Variants in CRYL1 observed in about 807,000 individuals in gnomAD.
CRYL1 encodes the protein lambda-crystallin homolog.
Under a neutral mutation model 36.6 loss-of-function variants are expected in CRYL1, and 29 were observed. The ratio of observed to expected loss-of-function variants is 0.79; its 90% CI spans 0.59 to 1.08. The LOEUF (loss-of-function observed/expected upper bound fraction) is 1.08. Ranked by LOEUF, CRYL1 falls within the 50% of genes least tolerant of loss-of-function variation. The probability of loss-of-function intolerance (pLI) is 0.00; values close to 1 mark genes in which losing one functional copy is unlikely to be tolerated. For missense variants in CRYL1, 411 were observed against 407.9 expected (o/e 1.01, Z -0.06); for synonymous variants, 152 against 151.5 (o/e 1.00, Z -0.02).
chr13:20,445,700 A>G (rs2032437934), intron 3 of CRYL1, among the ~76,000 whole-genome samples: 1 of 152,256 alleles, frequency 6.6e-6, no homozygotes, highest in Non-Finnish European at 1.5e-5. Flanking sequence ...ATCAGACATA[A>G]ATTGTGAAAT....
intron 2 of CRYL1, among the ~76,000 whole-genome samples, chr13:20,497,131 G>A (rs911727952): frequency 6.6e-6 from 1 of 152,006 alleles, no homozygotes; most frequent in Non-Finnish European, 1.5e-5. Flanking sequence ...TACTGAAAGC[G>A]GTGCCACTAC....
chr13:20,486,670 G>A (rs1417827333), intron 3 of CRYL1, among the ~76,000 whole-genome samples: 1 of 152,006 alleles, frequency 6.6e-6, no homozygotes, highest in Non-Finnish European at 1.5e-5. Context: ...CTCCTCATCC[G>A]GCTTGGCTCT....
chr13:20,466,680 C>CTGTGTGTGTG (rs1289115828), intron 3 of CRYL1, among the ~76,000 whole-genome samples: 7 of 30,470 alleles, frequency 2.3e-4, no homozygotes, highest in African/African-American at 8.2e-4. Flanking sequence ...CTTTGGAAAA[C>CTGTGTGTGTG]TCTGTGTGTG....
At chr13:20,438,408 C>T (rs1241069215) in intron 4 of CRYL1, among the ~76,000 whole-genome samples, 1 of 152,112 alleles carries the variant, frequency 6.6e-6, no homozygotes, top group Non-Finnish European at 1.5e-5. Flanking sequence ...CTTCATGTTA[C>T]CCTCCCCAAG....
chr13:20,457,672 A>G (rs1045721585), intron 3 of CRYL1, among the ~76,000 whole-genome samples: 1 of 152,192 alleles, frequency 6.6e-6, no homozygotes, highest in Non-Finnish European at 1.5e-5. Flanking sequence ...CACTTACTAA[A>G]CATATAAACC....
At chr13:20,427,853 C>A (rs550022314) in intron 5 of CRYL1, among the ~76,000 whole-genome samples, 1 of 151,864 alleles carries the variant, frequency 6.6e-6, no homozygotes, top group Non-Finnish European at 1.5e-5. Flanking sequence ...ACAGACCCTG[C>A]AGCCATTGAA....
At chr13:20,457,015 G>A (rs1454910404) in intron 3 of CRYL1, among the ~76,000 whole-genome samples, 3 of 152,148 alleles carry the variant, frequency 2.0e-5, no homozygotes, top group Non-Finnish European at 4.4e-5. Context: ...CTGCCAGCAG[G>A]ATATGAGTGC....
chr13:20,408,123 G>A (rs1364084526), intron 6 of CRYL1, among the ~76,000 whole-genome samples: 1 of 152,194 alleles, frequency 6.6e-6, no homozygotes, highest in African/African-American at 2.4e-5. Context: ...AAAGCACAGA[G>A]CGACATTATC....
At position 20,472,581 on chromosome 13, in the gene CRYL1, T is replaced by A. The variant is rs182998819; in HGVS notation, c.276+16789A>T. On this transcript the variant is annotated intron_variant, in intron 3 of 7. Transcript: ENST00000298248. ...TCCTGTAAAAGTGCTGGCTGTGCCC[T>A]CCTAACGTACGGGCAAGGCTAGCTA... Among the ~76,000 whole-genome samples, 378 of 152,286 alleles carry A rather than the reference T, an allele frequency of 2.5e-3. 1 individual carries two copies. Among genetic ancestry groups the A allele is most frequent in the African/African-American group, 8.1e-3 (336 of 41,554 alleles).
chr13:20,454,735 TA>T (rs2032644668), intron 3 of CRYL1, among the ~76,000 whole-genome samples: 2 of 152,140 alleles, frequency 1.3e-5, no homozygotes, highest in South Asian at 4.1e-4. Context: ...TGATATTTTT[TA>T]AAACTCTCAG....
intron 2 of CRYL1, among the ~76,000 whole-genome samples, chr13:20,489,738 T>C (rs2033473476): frequency 6.6e-6 from 1 of 152,180 alleles, no homozygotes; most frequent in South Asian, 2.1e-4. Flanking sequence ...GGAAAACAGA[T>C]ATGGCAGTTC....
chr13:20,442,061 T>C (rs923117789), intron 3 of CRYL1, among the ~76,000 whole-genome samples: 3 of 152,194 alleles, frequency 2.0e-5, no homozygotes, highest in African/African-American at 2.4e-5. Context: ...AGCCTGCAAG[T>C]TGGGTTAAGT....
intron 2 of CRYL1, among the ~76,000 whole-genome samples, chr13:20,507,284 G>T (rs1273155640): frequency 6.6e-6 from 1 of 152,204 alleles, no homozygotes; most frequent in Non-Finnish European, 1.5e-5. Context: ...TACGAACAAA[G>T]TTCGATGTTA....
At chr13:20,474,836 G>A (rs2033132978) in intron 3 of CRYL1, among the ~76,000 whole-genome samples, 1 of 152,036 alleles carries the variant, frequency 6.6e-6, no homozygotes, top group African/African-American at 2.4e-5. Flanking sequence ...TTTACTTTCA[G>A]TAAAGGGAAG....
At chr13:20,484,568 A>G (rs1004820268) in intron 3 of CRYL1, among the ~76,000 whole-genome samples, 1 of 152,152 alleles carries the variant, frequency 6.6e-6, no homozygotes, top group African/African-American at 2.4e-5. Context: ...GCTAATTGGG[A>G]GGCTGAGGCA....
chr13:20,467,682 G>A (rs12876559), intron 3 of CRYL1, among the ~76,000 whole-genome samples: 42,579 of 152,072 alleles, frequency 0.28, 6,622 homozygotes, highest in Middle Eastern at 0.37. Flanking sequence ...TTAGCCGGGC[G>A]TGGTGGCACG....
chr13:20,448,888 C>T (rs2032508468), intron 3 of CRYL1, among the ~76,000 whole-genome samples: 1 of 152,208 alleles, frequency 6.6e-6, no homozygotes, highest in Non-Finnish European at 1.5e-5. Context: ...AAAGAATACA[C>T]TGGGCGTGGT....
chr13:20,502,183 C>T (rs1166228567), intron 2 of CRYL1, among the ~76,000 whole-genome samples: 2 of 152,176 alleles, frequency 1.3e-5, no homozygotes, highest in African/African-American at 2.4e-5. Context: ...CACCCAGCCC[C>T]CTTAGACTTC....
chr13:20,459,077 A>G (rs1041358186), intron 3 of CRYL1, among the ~76,000 whole-genome samples: 1 of 152,046 alleles, frequency 6.6e-6, no homozygotes, highest in Non-Finnish European at 1.5e-5. Flanking sequence ...CTACTAAAAA[A>G]TACAAAAAAT....
Sources: allele counts gnomAD v4.1 joint callset (sites outside exome capture counted in the v4.1 genomes callset), GRCh38; gene constraint gnomAD v4.1.1; transcripts MANE v1.5; gene names NCBI Gene and HGNC (gene_info 2026-07-23, HGNC 2026-07-21).